The following RBM19 variants were observed in gnomAD, a reference collection of about 807,000 sequenced individuals.
RBM19 encodes RNA binding motif protein 19.
In RBM19, 94 loss-of-function variants were observed where a neutral mutation model predicts 116.8. The observed-to-expected ratio is 0.80, with a 90% CI of 0.68 to 0.95. The LOEUF is 0.95. RBM19 is among the 40% of genes least tolerant of loss of function. The pLI, the probability that RBM19 is intolerant of heterozygous loss-of-function variation, is 0.00. For missense variants in RBM19, 1,161 were observed against 1,220.7 expected (o/e 0.95, Z 0.73); for synonymous variants, 475 against 494.1 (o/e 0.96, Z 0.51).
chr12:113,848,865 T>G (rs1489817920), intron 22 of RBM19, among the ~76,000 whole-genome samples: 1 of 152,206 alleles, frequency 6.6e-6, no homozygotes, highest in African/African-American at 2.4e-5. Flanking sequence ...GTCTGGCTCC[T>G]GCTGTCTGAT....
intron 5 of RBM19, among the ~76,000 whole-genome samples, chr12:113,958,498 G>A (rs1872176531): frequency 6.6e-6 from 1 of 152,048 alleles, no homozygotes; most frequent in Admixed American, 6.5e-5. Flanking sequence ...TCAAGCCCAT[G>A]CACTTTCCTT....
At chr12:113,853,658 T>C (rs1877650927) in intron 22 of RBM19, among the ~76,000 whole-genome samples, 1 of 152,218 alleles carries the variant, frequency 6.6e-6, no homozygotes, top group African/African-American at 2.4e-5. Context: ...CCAATGGCTA[T>C]TGGTGGCCAC....
chr12:113,906,109 A>G (rs1395004802), intron 21 of RBM19, among the ~76,000 whole-genome samples: 1 of 152,246 alleles, frequency 6.6e-6, no homozygotes, highest in African/African-American at 2.4e-5. Flanking sequence ...TGGCCCTGCA[A>G]TTCCATACCT....
intron 7 of RBM19, among the ~76,000 whole-genome samples, chr12:113,953,799 C>T (rs562485221): frequency 1.5e-4 from 23 of 152,352 alleles, no homozygotes; most frequent in African/African-American, 5.3e-4. Context: ...GGCCAAATAT[C>T]ACCATGGTCT....
At chr12:113,939,776 C>T (rs185072585) in intron 15 of RBM19, among the ~76,000 whole-genome samples, 184 bp downstream of exon 15, 75 of 152,048 alleles carry the variant, frequency 4.9e-4, no homozygotes, top group African/African-American at 1.7e-3. Flanking sequence ...TTCCGTCTCC[C>T]ATTCTTCCCA....
chr12:113,863,742 G>T (rs1275392521), intron 21 of RBM19, among the ~76,000 whole-genome samples: 3 of 152,128 alleles, frequency 2.0e-5, no homozygotes, highest in Non-Finnish European at 4.4e-5. Context: ...TCAGAACAAC[G>T]GTGTGATCTG....
intron 23 of RBM19, among the ~76,000 whole-genome samples, chr12:113,841,334 C>T (rs939807734): frequency 7.9e-5 from 12 of 152,118 alleles, no homozygotes; most frequent in Middle Eastern, 3.2e-3. Context: ...TTCATGGTCC[C>T]GATGAGTTAG....
intron 21 of RBM19, among the ~76,000 whole-genome samples, chr12:113,887,154 TG>T (rs1237116621): frequency 6.6e-6 from 1 of 152,210 alleles, no homozygotes; most frequent in African/African-American, 2.4e-5. Context: ...ACCTACTTGT[TG>T]ACTTCTTGTC....
At position 113,894,305 on chromosome 12, in the gene RBM19, T is replaced by C. The variant is rs1006777803; in HGVS notation, c.2558+20664A>G. On this transcript the variant is annotated intron_variant, in intron 21 of 23. Coordinates refer to ENST00000261741, the MANE Select transcript of RBM19 (RefSeq NM_016196.4). The stretch of plus-strand genomic sequence containing the variant: ...ACATTCAAAAAATAAGTTTGTGCTA[T>C]ATTACTGAGTAAAACTGATGCTGCA... Among the ~76,000 whole-genome samples, 6 of 152,218 alleles carry C rather than the reference T, an allele frequency of 3.9e-5. No homozygotes were observed. The East Asian group carries it at 5.8e-4, about 15-fold the overall frequency.
chr12:113,941,758 G>C (rs998748607), intron 14 of RBM19, among the ~76,000 whole-genome samples: 1 of 152,162 alleles, frequency 6.6e-6, no homozygotes. Flanking sequence ...GAAGGCTGTT[G>C]AAAGGGCTGT....
At chr12:113,865,561 A>G (rs895318763) in intron 21 of RBM19, among the ~76,000 whole-genome samples, 1 of 152,192 alleles carries the variant, frequency 6.6e-6, no homozygotes, top group African/African-American at 2.4e-5. Context: ...GTATCCATTC[A>G]TTTAATCATG....
chr12:113,887,137 G>A (rs1262584620), intron 21 of RBM19, among the ~76,000 whole-genome samples: 1 of 152,192 alleles, frequency 6.6e-6, no homozygotes, highest in Non-Finnish European at 1.5e-5. Context: ...TTTACTGGAA[G>A]AGCCACACCT....
chr12:113,864,253 G>C (rs1208435910), intron 21 of RBM19, among the ~76,000 whole-genome samples: 1 of 152,188 alleles, frequency 6.6e-6, no homozygotes, highest in Non-Finnish European at 1.5e-5. Context: ...AGAGTGCAGG[G>C]AGGGAGTCAC....
chr12:113,961,521 T>G (rs1247698740), intron 2 of RBM19, among the ~76,000 whole-genome samples: 1 of 152,216 alleles, frequency 6.6e-6, no homozygotes. Flanking sequence ...TTCTATGCAT[T>G]TATCATATAT....
intron 5 of RBM19, 25 bp from the exon 6 acceptor site, chr12:113,958,075 C>G (rs772314218): frequency 6.3e-7 from 1 of 1,592,562 alleles, no homozygotes; most frequent in Middle Eastern, 1.7e-4. Flanking sequence ...AAGCTGGGAT[C>G]AGCGACAGCT....
At chr12:113,830,574 G>GC (rs1491158303) in intron 23 of RBM19, among the ~76,000 whole-genome samples, 5 of 30,942 alleles carry the variant, frequency 1.6e-4, no homozygotes, top group African/African-American at 7.5e-4. Context: ...GGGCTGCGGG[G>GC]CGGGGGGGGG....
At chr12:113,924,156 T>A (rs995326662) in intron 18 of RBM19, among the ~76,000 whole-genome samples, 2 of 152,180 alleles carry the variant, frequency 1.3e-5, no homozygotes, top group Non-Finnish European at 2.9e-5. Context: ...AATGGAGAGA[T>A]GAGGGTGCTC....
At chr12:113,889,801 C>A (rs924869239) in intron 21 of RBM19, among the ~76,000 whole-genome samples, 5 of 151,832 alleles carry the variant, frequency 3.3e-5, no homozygotes, top group African/African-American at 1.2e-4. Context: ...GAAAGAAACA[C>A]ATGTGGAACG....
At chr12:113,851,351 C>G (rs574908668) in intron 22 of RBM19, among the ~76,000 whole-genome samples, 40 of 152,312 alleles carry the variant, frequency 2.6e-4, no homozygotes, top group African/African-American at 9.1e-4. Flanking sequence ...CTCTGGGGAG[C>G]TGATTGTGAG....
Sources: allele counts gnomAD v4.1 joint callset (sites outside exome capture counted in the v4.1 genomes callset), GRCh38; gene constraint gnomAD v4.1.1; transcripts MANE v1.5; gene names NCBI Gene and HGNC (gene_info 2026-07-23, HGNC 2026-07-21).